POLR3A: variants seen among roughly 807,000 people sequenced by gnomAD.
The protein encoded by POLR3A is RNA polymerase III subunit A, also known as DNA-directed RNA polymerase III subunit RPC1.
In POLR3A, 112 loss-of-function variants were observed where a neutral mutation model predicts 152.8. That is an observed-to-expected ratio of 0.73 (90% CI 0.63 to 0.86). The LOEUF is 0.86. Ranked by LOEUF, POLR3A falls within the 40% of genes least tolerant of loss-of-function variation. POLR3A has a pLI of 0.00. For missense variants in POLR3A, 1,385 were observed against 1,743.1 expected (o/e 0.79, Z 3.66); for synonymous variants, 615 against 652.1 (o/e 0.94, Z 0.87).
chr10:77,981,676 T>C (rs1778497483), intron 28 of POLR3A, 117 bp from the exon 29 acceptor site: 7 of 1,288,360 alleles, frequency 5.4e-6, no homozygotes, highest in Non-Finnish European at 7.8e-6. Context: ...TTTCCAGAAA[T>C]GGATTGCTGG....
intron 19 of POLR3A, 74 bp downstream of exon 19, chr10:77,999,907 C>A: frequency 7.1e-7 from 1 of 1,416,994 alleles, no homozygotes; most frequent in Admixed American, 1.7e-5. Flanking sequence ...ATGTGCAAAA[C>A]GTGTACTCAA....
intron 14 of POLR3A, 124 bp downstream of exon 14, chr10:78,009,413 C>G: frequency 7.4e-7 from 1 of 1,350,318 alleles, no homozygotes; most frequent in African/African-American, 1.4e-5. Context: ...AAAAAACTTT[C>G]CACCTAAGGC....
At position 78,024,554 on chromosome 10, in the gene POLR3A, C is replaced by T; in HGVS notation, c.640G>A (p.Ala214Thr). The part of the protein sequence containing the change: ...NKEVEPLLGR[A>T]QENLNPLVVL... ...GCGTGCATTCTCAGGCTCACCTGTG[C>T]CCTTCCCAGCAGAGGCTCCACTTCT... is the stretch of plus-strand genomic sequence containing the variant. Residue 214 changes from alanine (A) to threonine (T), a missense_variant, in exon 5 of 31, where the codon GCA becomes ACA. By Grantham distance (58) the Ala-to-Thr change is moderately conservative (BLOSUM62 0). Transcript: ENST00000372371. 6.2e-7 allele frequency: 1 copy of T among 1,613,168 alleles called. No individual in the cohort carries two copies.
chr10:77,978,235 C>T (rs996953830), intron 30 of POLR3A, among the ~76,000 whole-genome samples: 5 of 152,142 alleles, frequency 3.3e-5, no homozygotes, highest in African/African-American at 9.7e-5. Flanking sequence ...TTTCTCCAAG[C>T]CCCATGTCAA....
intron 14 of POLR3A, 75 bp downstream of exon 14, chr10:78,009,462 C>T: frequency 6.3e-7 from 1 of 1,598,728 alleles, no homozygotes. Flanking sequence ...GCGAAGGTAC[C>T]AGCAAAGCTG....
In POLR3A at chr10:77,976,746, T is replaced by C. The variant is rs1469441186; in HGVS notation, c.*732A>G. The C allele has an allele frequency of 1.3e-5, 2 of 152,300 alleles. No individual in the cohort carries two copies. Among genetic ancestry groups the C allele is most frequent in the Non-Finnish European group, 2.9e-5 (2 of 68,168 alleles). The allele number at this position is 152,300 out of a possible 1,614,324, so 9.4% of individuals were successfully genotyped here. On this transcript the variant is annotated 3_prime_UTR_variant, in exon 31 of 31. Coordinates refer to ENST00000372371, the MANE Select transcript of POLR3A (RefSeq NM_007055.4). The stretch of plus-strand genomic sequence containing the variant: ...GCTCTTGTCACAGGGTAGAGCCCCA[T>C]GATAGGGGTCTGAGGTAGATGAAAA...
At chr10:78,025,556 C>T in intron 3 of POLR3A, 66 bp downstream of exon 3, 4 of 1,553,794 alleles carry the variant, frequency 2.6e-6, no homozygotes, top group Non-Finnish European at 3.6e-6. Context: ...TTCCTAAGTT[C>T]ATTCCAGCAT....
chr10:77,999,759 G>A (rs1012287948), intron 19 of POLR3A, among the ~76,000 whole-genome samples: 31 of 152,246 alleles, frequency 2.0e-4, no homozygotes, highest in South Asian at 6.2e-4. Context: ...TTTGCTATGC[G>A]TGGCTCTGGC....
In POLR3A at chr10:77,975,328, C is replaced by T. The variant is rs1847076582; in HGVS notation, c.*2150G>A. 1 of 152,182 alleles carries T rather than the reference C, an allele frequency of 6.6e-6. No individual in the cohort carries two copies. Among genetic ancestry groups the T allele is most frequent in the Admixed American group, 6.5e-5 (1 of 15,280 alleles). 9.4% of individuals were successfully genotyped at this position (152,182 alleles called of 1,614,324 possible). On this transcript the variant is annotated 3_prime_UTR_variant, in exon 31 of 31. Coordinates refer to ENST00000372371, the MANE Select transcript of POLR3A (RefSeq NM_007055.4). ...AAGTAGGGAGAATTTTAACACCAGT[C>T]ATGGGACACAGTGGGGAGCACAAAC...
intron 19 of POLR3A, 106 bp downstream of exon 19, chr10:77,999,875 A>G (rs892307121): frequency 8.7e-7 from 1 of 1,146,864 alleles, no homozygotes; most frequent in Non-Finnish European, 1.3e-6. Flanking sequence ...AATTTAACCC[A>G]AGACTAGATA....
At chr10:77,986,695 T>C (rs1007406372) in intron 21 of POLR3A, among the ~76,000 whole-genome samples, 1 of 152,136 alleles carries the variant, frequency 6.6e-6, no homozygotes, top group African/African-American at 2.4e-5. Flanking sequence ...GCTTATCTTT[T>C]CCCCTCTGGT....
At chr10:77,994,471 G>C (rs774961403) in intron 19 of POLR3A, among the ~76,000 whole-genome samples, 1 of 151,032 alleles carries the variant, frequency 6.6e-6, no homozygotes, top group Non-Finnish European at 1.5e-5. Flanking sequence ...ACTTTATCTG[G>C]TGTTTTAAGT....
intron 1 of POLR3A, 74 bp downstream of exon 1, chr10:78,029,290 C>CA: frequency 6.7e-7 from 1 of 1,500,716 alleles, no homozygotes; most frequent in Non-Finnish European, 9.3e-7. Flanking sequence ...TCTGACCCTG[C>CA]AAGACCCGGG....
At chr10:78,018,738 G>A (rs1346224199) in intron 9 of POLR3A, among the ~76,000 whole-genome samples, 1 of 151,828 alleles carries the variant, frequency 6.6e-6, no homozygotes, top group South Asian at 2.1e-4. Flanking sequence ...GTGTGCTACC[G>A]TGCCCAGCTA....
chr10:77,996,765 C>T (rs1474925923), intron 19 of POLR3A, among the ~76,000 whole-genome samples: 2 of 152,194 alleles, frequency 1.3e-5, no homozygotes, highest in African/African-American at 2.4e-5. Flanking sequence ...CCTTCTGAAA[C>T]TACTCCAATC....
At chr10:78,004,601 T>C (rs917239250) in intron 16 of POLR3A, 115 bp downstream of exon 16, 5 of 840,736 alleles carry the variant, frequency 5.9e-6, no homozygotes, top group Non-Finnish European at 9.7e-6. Context: ...CGCCAATGCC[T>C]TGACTTGCCC....
chr10:77,990,999 G>C, intron 21 of POLR3A, 55 bp downstream of exon 21: 1 of 973,106 alleles, frequency 1.0e-6, no homozygotes, highest in Non-Finnish European at 1.7e-6. Context: ...TTGGCAAACA[G>C]AGTTCTTTAC....
At chr10:78,023,063 C>T (rs977488966) in intron 5 of POLR3A, among the ~76,000 whole-genome samples, 1 of 151,674 alleles carries the variant, frequency 6.6e-6, no homozygotes, top group African/African-American at 2.4e-5. Context: ...GAGGCTGAGG[C>T]AGGAGAATCA....
chr10:77,987,980 T>C (rs1326328003), intron 21 of POLR3A, among the ~76,000 whole-genome samples: 2 of 152,246 alleles, frequency 1.3e-5, no homozygotes, highest in African/African-American at 2.4e-5. Context: ...GTCTTTTCTC[T>C]GAACAGGGGT....
Sources: allele counts gnomAD v4.1 joint callset (sites outside exome capture counted in the v4.1 genomes callset), GRCh38; gene constraint gnomAD v4.1.1; transcripts MANE v1.5; gene names NCBI Gene and HGNC (gene_info 2026-07-23, HGNC 2026-07-21).